Variants in BCL9 observed in about 807,000 individuals in gnomAD.
The protein encoded by BCL9 is B-cell CLL/lymphoma 9 protein.
A neutral mutation model predicts 88.5 loss-of-function variants in BCL9; 25 were observed. The observed-to-expected ratio is 0.28, with a 90% CI of 0.21 to 0.39. BCL9 has a LOEUF of 0.39. BCL9 is among the 10% of genes least tolerant of loss of function. The probability of loss-of-function intolerance (pLI) is 1.00; values close to 1 mark genes in which losing one functional copy is unlikely to be tolerated. For synonymous variants in BCL9, 711 were observed against 673.3 expected (o/e 1.06, Z -0.87); for missense variants, 1,817 against 1,877.8 (o/e 0.97, Z 0.60).
rs145520702 is a variant in BCL9, at chr1:147,620,014, G to A, written c.1859G>A (p.Arg620His). The A allele has an allele frequency of 1.1e-5, 17 of 1,614,022 alleles. No homozygotes were observed. Among genetic ancestry groups the A allele is most frequent in the African/African-American group, 8.0e-5 (6 of 74,898 alleles). The change falls in exon 8 of 10, where the codon CGC becomes CAC. Residue 620 changes from arginine (R) to histidine (H), a missense_variant. By Grantham distance (29) the Arg-to-His change is conservative. Coordinates refer to ENST00000234739, the MANE Select transcript of BCL9 (RefSeq NM_004326.4). ...TTCAGCGGTCCTGGCCGAGGGGAAC[G>A]CTTCCCAAACCCCCAAGGATTGTCT... ...GIFSGPGRGE[R>H]FPNPQGLSEE...
chr1:147,588,408 T>A (rs1656710436), intron 1 of BCL9, among the ~76,000 whole-genome samples: 1 of 152,124 alleles, frequency 6.6e-6, no homozygotes, highest in African/African-American at 2.4e-5. Context: ...TTTTTACCCT[T>A]TATTTAACAA....
chr1:147,597,755 G>A (rs1198852362), intron 1 of BCL9, among the ~76,000 whole-genome samples: 2 of 152,080 alleles, frequency 1.3e-5, no homozygotes, highest in African/African-American at 4.8e-5. Flanking sequence ...CATTTCTATG[G>A]AACCTCTAAC....
At chr1:147,548,865 A>G (rs1422808371) in intron 1 of BCL9, among the ~76,000 whole-genome samples, 4 of 152,186 alleles carry the variant, frequency 2.6e-5, no homozygotes, top group African/African-American at 7.2e-5. Flanking sequence ...ATGTTGCATT[A>G]AAGAAAGGAA....
chr1:147,586,979 C>T (rs1051439282), intron 1 of BCL9, among the ~76,000 whole-genome samples: 2 of 151,868 alleles, frequency 1.3e-5, no homozygotes, highest in African/African-American at 2.4e-5. Flanking sequence ...AGCATAGGCC[C>T]TTTACACATA....
intron 1 of BCL9, among the ~76,000 whole-genome samples, chr1:147,586,766 C>T (rs1016156717): frequency 6.6e-6 from 1 of 152,172 alleles, no homozygotes; most frequent in Non-Finnish European, 1.5e-5. Context: ...GCCCCCTCTC[C>T]ACCTGTAGAA....
intron 1 of BCL9, among the ~76,000 whole-genome samples, chr1:147,586,084 A>G (rs1281709177): frequency 1.3e-5 from 2 of 151,966 alleles, no homozygotes; most frequent in Non-Finnish European, 2.9e-5. Flanking sequence ...TTGGCACTTT[A>G]TCTCTCAACT....
intron 1 of BCL9, among the ~76,000 whole-genome samples, chr1:147,583,558 G>A (rs1479067137): frequency 3.9e-5 from 6 of 151,956 alleles, no homozygotes; most frequent in African/African-American, 1.5e-4. Flanking sequence ...AATTACAGGC[G>A]TGAGCCACTA....
rs782122493 is a variant in BCL9, at chr1:147,625,208, C to G, written c.*249C>G. The G allele has an allele frequency of 2.3e-6, 1 of 438,092 alleles. No homozygotes were observed. The highest frequency in any genetic ancestry group is 4.0e-6 in the Non-Finnish European group (1 of 248,264). 27.1% of individuals were successfully genotyped at this position (438,092 alleles called of 1,614,324 possible). ...AAATTATTTTTGTGGACTTGGGTATCAATGATGGCACCTACTTTTGGGAAT... is the reference window on the plus strand; with the variant it reads ...AAATTATTTTTGTGGACTTGGGTATGAATGATGGCACCTACTTTTGGGAAT... On this transcript the variant is annotated 3_prime_UTR_variant, in exon 10 of 10. Transcript: ENST00000234739.
intron 1 of BCL9, among the ~76,000 whole-genome samples, chr1:147,559,753 T>C (rs1006415655): frequency 6.6e-6 from 1 of 152,198 alleles, no homozygotes; most frequent in Admixed American, 6.5e-5. Flanking sequence ...AGAGAGTAAA[T>C]ACCTCGTTCC....
intron 1 of BCL9, among the ~76,000 whole-genome samples, chr1:147,600,030 C>G (rs1195928274): frequency 6.7e-6 from 1 of 149,694 alleles, no homozygotes; most frequent in Non-Finnish European, 1.5e-5. Flanking sequence ...AGGGGGCACC[C>G]TCCGCTCGCG....
At chr1:147,573,172 C>A (rs1225325421) in intron 1 of BCL9, among the ~76,000 whole-genome samples, 2 of 152,196 alleles carry the variant, frequency 1.3e-5, no homozygotes, top group African/African-American at 4.8e-5. Flanking sequence ...AGGTTGAGGC[C>A]GGGAGCGGTG....
chr1:147,564,373 T>C (rs1239722526), intron 1 of BCL9, among the ~76,000 whole-genome samples: 1 of 152,114 alleles, frequency 6.6e-6, no homozygotes, highest in Non-Finnish European at 1.5e-5. Context: ...TTATCATATT[T>C]AGTATTTTAT....
chr1:147,619,834 T>A lies in BCL9; in HGVS notation c.1679T>A (p.Met560Lys). Residue 560 changes from methionine (M) to lysine (K), a missense_variant, in exon 8 of 10, where the codon ATG becomes AAG. By Grantham distance (95) the Met-to-Lys change is moderately conservative. This residue lies in a region of BCL9 where 1,228 missense variants were observed against 1,191.6 expected (regional missense o/e 1.03). Transcript: ENST00000234739. This position sits in a 1 kb window ranked among gnomAD's most constrained non-coding sequence, Gnocchi z 4.1. Reference protein sequence around the residue: ...APHPNMPGSQMRLPGFAGMIN... With the variant: ...APHPNMPGSQKRLPGFAGMIN... ...CACCCCAACATGCCAGGGAGCCAGA[T>A]GCGCCTCCCTGGATTTGCAGGCATG... The A allele has an allele frequency of 6.2e-7, 1 of 1,614,172 alleles. No homozygotes were observed. The highest frequency in any genetic ancestry group is 8.5e-7 in the Non-Finnish European group (1 of 1,180,026).
At chr1:147,569,379 G>A (rs782005758) in intron 1 of BCL9, among the ~76,000 whole-genome samples, 3 of 151,042 alleles carry the variant, frequency 2.0e-5, no homozygotes, top group South Asian at 2.1e-4. Flanking sequence ...CTGTAATCCC[G>A]GTACTTTGGG....
chr1:147,574,222 CA>C (rs1553197848), intron 1 of BCL9, among the ~76,000 whole-genome samples: 1 of 152,122 alleles, frequency 6.6e-6, no homozygotes. Flanking sequence ...AACTGCAAGG[CA>C]AAAGGCACTC....
At chr1:147,611,026 C>T (rs1336008877) in intron 3 of BCL9, among the ~76,000 whole-genome samples, 1 of 152,098 alleles carries the variant, frequency 6.6e-6, no homozygotes, top group Admixed American at 6.5e-5. Flanking sequence ...GATGTTGGTT[C>T]AATATTTGAT....
At chr1:147,612,251 C>T (rs933874709) in intron 4 of BCL9, among the ~76,000 whole-genome samples, 4 of 152,316 alleles carry the variant, frequency 2.6e-5, no homozygotes, top group South Asian at 2.1e-4. Context: ...AGAACTAAAA[C>T]GTTATTCCCC....
At chr1:147,595,423 A>G (rs1657002890) in intron 1 of BCL9, among the ~76,000 whole-genome samples, 1 of 152,224 alleles carries the variant, frequency 6.6e-6, no homozygotes, top group Non-Finnish European at 1.5e-5. Context: ...GGAAGAGTCC[A>G]GTAGCACAGG....
rs73009886 is a variant in BCL9, at chr1:147,618,776, C to T, written c.661-40C>T. The T allele has an allele frequency of 2.2e-4, 322 of 1,469,608 alleles. 2 individuals are homozygous for T. The African/African-American group carries it at 4.2e-3, about 19-fold the overall frequency. 91.0% of individuals were successfully genotyped at this position (1,469,608 alleles called of 1,614,324 possible). ...TTGCTCTTTTAATTGCCCTTCTGTT[C>T]AGTTTACTAATGATTTTTAAACTAT... On this transcript the variant is annotated intron_variant, in intron 7 of 9. Coordinates refer to ENST00000234739, the MANE Select transcript of BCL9 (RefSeq NM_004326.4).
Sources: allele counts gnomAD v4.1 joint callset (sites outside exome capture counted in the v4.1 genomes callset), GRCh38; gene constraint gnomAD v4.1.1; regional missense constraint gnomAD v4.1.1; non-coding constraint Gnocchi (gnomAD v3.1); transcripts MANE v1.5; gene names NCBI Gene and HGNC (gene_info 2026-07-23, HGNC 2026-07-21).